The following RBM25 variants were observed in gnomAD, a reference collection of about 807,000 sequenced individuals.
RBM25 encodes the protein RNA binding motif protein 25.
Under a neutral mutation model 120.7 loss-of-function variants are expected in RBM25, and 19 were observed. That is an observed-to-expected ratio of 0.16 (90% CI 0.11 to 0.23). RBM25 has a LOEUF of 0.23. Ranked by LOEUF, RBM25 falls within the 10% of genes least tolerant of loss-of-function variation. The pLI is 1.00. For missense variants in RBM25, 605 were observed against 1,041.5 expected (o/e 0.58, Z 5.77); for synonymous variants, 390 against 326.7 (o/e 1.19, Z -2.09).
chr14:73,099,428 A>G lies in RBM25; in HGVS notation c.778A>G (p.Thr260Ala), dbSNP rs1896016992. Residue 260 changes from threonine (T) to alanine (A), a missense_variant, in exon 8 of 19, where the codon ACT becomes GCT. Physicochemically the swap from Thr to Ala is moderately conservative, Grantham distance 58 (BLOSUM62 0). This residue lies in a region of RBM25 where 465 missense variants were observed against 741.6 expected (regional missense o/e 0.63). Coordinates refer to ENST00000261973, the MANE Select transcript of RBM25 (RefSeq NM_021239.3). ...VAPLIPYPLITKEDINAIEME... is the reference protein window; with the variant it reads ...VAPLIPYPLIAKEDINAIEME... ...CCCACTGATCCCTTATCCACTCATC[A>G]CTAAGGTTAGTTTAAATTGTAGGCT... is the stretch of plus-strand genomic sequence containing the variant. The G allele has an allele frequency of 1.9e-6, 3 of 1,609,384 alleles. No homozygotes were observed. In the East Asian group the frequency reaches 6.7e-5, roughly 36 times the overall value.
chr14:73,081,896 A>C (rs572904673), intron 4 of RBM25, among the ~76,000 whole-genome samples: 1 of 152,228 alleles, frequency 6.6e-6, no homozygotes, highest in African/African-American at 2.4e-5. Flanking sequence ...TGGAGGTTTT[A>C]GTTCCTAATT....
chr14:73,079,149 G>A (rs1400540599), intron 4 of RBM25, among the ~76,000 whole-genome samples: 1 of 149,688 alleles, frequency 6.7e-6, no homozygotes, highest in Non-Finnish European at 1.5e-5. Context: ...AAGGCCAGGT[G>A]CGGTGTCTCA....
At chr14:73,107,564 C>T (rs1199616599) in intron 12 of RBM25, 1 of 339,280 alleles carries the variant, frequency 2.9e-6, no homozygotes, top group South Asian at 4.2e-5. Flanking sequence ...CCAGGCTAGC[C>T]CAACAAGTTT....
chr14:73,096,903 G>C lies in RBM25; in HGVS notation c.544-12G>C. On this transcript the variant is annotated splice_polypyrimidine_tract_variant and intron_variant, in intron 6 of 18. Transcript: ENST00000261973. ...GATTTTTCTTTCCCCTGAATTTGCT[G>C]TTTTGTTTAAGAATGCAAGGCCAGA... is the stretch of plus-strand genomic sequence containing the variant. The C allele has an allele frequency of 6.2e-7, 1 of 1,604,852 alleles. No homozygotes were observed. Among genetic ancestry groups the C allele is most frequent in the Non-Finnish European group, 8.5e-7 (1 of 1,177,894 alleles).
At position 73,110,812 on chromosome 14, in the gene RBM25, A is replaced by G. The variant is rs757429435; in HGVS notation, c.1693-19A>G. 2.5e-6 allele frequency: 4 copies of G among 1,588,932 alleles called. No homozygotes were observed. The Admixed American group carries it at 5.6e-5, about 22-fold the overall frequency. On this transcript the variant is annotated intron_variant, in intron 14 of 18. Transcript: ENST00000261973. ...ATGGTGTAGAGTTGTAGTTAATCAG[A>G]TTATTGTTTGGGTTTTAGATGGAAC...
intron 6 of RBM25, among the ~76,000 whole-genome samples, chr14:73,089,420 T>A (rs1182168299): frequency 6.6e-6 from 1 of 150,968 alleles, no homozygotes; most frequent in Non-Finnish European, 1.5e-5. Context: ...AGTGGTGCGA[T>A]CTTGGCTCAC....
At chr14:73,091,868 ACT>A (rs1024753341) in intron 6 of RBM25, among the ~76,000 whole-genome samples, 5 of 151,734 alleles carry the variant, frequency 3.3e-5, no homozygotes, top group Admixed American at 6.6e-5. Flanking sequence ...ACAGAGTGAG[ACT>A]CTGTCTCAAA....
chr14:73,093,943 G>GTT (rs1270207726), intron 6 of RBM25, among the ~76,000 whole-genome samples: 77 of 133,730 alleles, frequency 5.8e-4, no homozygotes, highest in African/African-American at 1.7e-3. Flanking sequence ...CCATGATCAG[G>GTT]TTTTGTTTTT....
In RBM25 at chr14:73,103,990, A is replaced by ACTCTCT. The variant is rs764640144; in HGVS notation, c.1154+513_1154+514insTCTCTC. ...CACACACACACACACACACACACACACACACTCTCTCTCTCTCTCTCTCTC... is the reference window on the plus strand; with the variant it reads ...CACACACACACACACACACACACACACTCTCTCACACTCTCTCTCTCTCTCTCTCTC... On this transcript the variant is annotated intron_variant, in intron 10 of 18. Transcript: ENST00000261973. 3.0e-3 allele frequency among the ~76,000 whole-genome samples: 347 copies of ACTCTCT among 116,602 alleles called. 1 individual carries two copies. Among genetic ancestry groups the ACTCTCT allele is most frequent in the African/African-American group, 0.011 (325 of 28,384 alleles). The allele number at this position is 116,602 out of a possible 152,430, so 76.5% of individuals were successfully genotyped here. A position where few individuals can be genotyped will look rare whatever the true frequency, so the allele number is the denominator to read the frequency against.
chr14:73,108,461 A>T (rs1896237005), intron 13 of RBM25, among the ~76,000 whole-genome samples: 1 of 152,152 alleles, frequency 6.6e-6, no homozygotes, highest in Non-Finnish European at 1.5e-5. Flanking sequence ...CCCATCTCCA[A>T]ATTGATACAT....
At chr14:73,094,398 A>G (rs1262798832) in intron 6 of RBM25, among the ~76,000 whole-genome samples, 3 of 152,018 alleles carry the variant, frequency 2.0e-5, no homozygotes, top group Non-Finnish European at 4.4e-5. Flanking sequence ...CCATATTGAT[A>G]TTTAAATTTT....
chr14:73,066,622 G>A (rs1895141146), intron 1 of RBM25, among the ~76,000 whole-genome samples: 1 of 140,522 alleles, frequency 7.1e-6, no homozygotes, highest in Non-Finnish European at 1.5e-5. Flanking sequence ...CTGCACTCCT[G>A]GGTGACAGAG....
chr14:73,114,137 T>C, intron 17 of RBM25, 149 bp from the exon 18 acceptor site: 1 of 552,808 alleles, frequency 1.8e-6, no homozygotes. Flanking sequence ...CGTTGAAGAA[T>C]GATATTCTGA....
intron 14 of RBM25, 148 bp from the exon 15 acceptor site, chr14:73,110,683 C>A: frequency 1.1e-6 from 1 of 898,822 alleles, no homozygotes; most frequent in Non-Finnish European, 1.6e-6. Flanking sequence ...CCCACCGCGG[C>A]CTCCCAAAGT....
At chr14:73,075,047 G>A (rs772843144) in intron 2 of RBM25, among the ~76,000 whole-genome samples, 17 of 151,066 alleles carry the variant, frequency 1.1e-4, no homozygotes, top group Non-Finnish European at 2.4e-4. Context: ...CTAGGCTAGA[G>A]TACAGTGGTT....
At chr14:73,087,013 C>CT (rs1434270473) in intron 5 of RBM25, among the ~76,000 whole-genome samples, 2 of 151,860 alleles carry the variant, frequency 1.3e-5, no homozygotes, top group Non-Finnish European at 2.9e-5. Context: ...CCTAAAGGTA[C>CT]TTTTTTGAGG....
intron 6 of RBM25, among the ~76,000 whole-genome samples, chr14:73,092,126 A>T (rs1895830863): frequency 6.6e-6 from 1 of 152,104 alleles, no homozygotes. Flanking sequence ...ATGTAAAAAA[A>T]AATTTTCAAA....
chr14:73,105,925 A>G lies in RBM25; in HGVS notation c.1221A>G (p.Arg407=), dbSNP rs1441983008. 1.9e-6 allele frequency: 3 copies of G among 1,612,620 alleles called. No individual in the cohort carries two copies. Among genetic ancestry groups the G allele is most frequent in the Middle Eastern group, 3.3e-4 (2 of 6,066 alleles). Residue 407 remains arginine, a synonymous_variant, in exon 11 of 19, where the codon CGA becomes CGG. Transcript: ENST00000261973. ...GAGAGAGAGAGAGAGAACGAGAGCGAGAACGAGAACGGGAGCGAGAGAGAG... is the reference window on the plus strand; with the variant it reads ...GAGAGAGAGAGAGAGAACGAGAGCGGGAACGAGAACGGGAGCGAGAGAGAG... ...RERERERERE[R]ERERERERER...
intron 6 of RBM25, among the ~76,000 whole-genome samples, chr14:73,094,829 GTGTGTGTGTGTGTC>G (rs954952029): frequency 3.0e-5 from 4 of 134,688 alleles, no homozygotes; most frequent in African/African-American, 7.6e-5. Flanking sequence ...GTGTGTGTGT[GTGTGTGTGTGTGTC>G]TGTGTGTGTG....
Sources: gnomAD v4.1 joint callset for allele counts (sites outside exome capture counted in the v4.1 genomes callset) on GRCh38, gnomAD v4.1.1 for gene constraint, gnomAD v4.1.1 regional missense constraint, MANE v1.5 for transcripts, NCBI Gene and HGNC (gene_info 2026-07-23, HGNC 2026-07-21) for gene names.